The following ANKS1B variants were observed in gnomAD, a reference collection of about 807,000 sequenced individuals.
ANKS1B encodes the protein ankyrin repeat and sterile alpha motif domain containing 1B.
A neutral mutation model predicts 148.3 loss-of-function variants in ANKS1B; 36 were observed. The observed-to-expected ratio is 0.24, with a 90% CI of 0.19 to 0.32. The LOEUF is 0.32. ANKS1B is among the 10% of genes least tolerant of loss of function. ANKS1B has a pLI of 1.00. For synonymous variants in ANKS1B, 542 were observed against 560.8 expected (o/e 0.97, Z 0.47); for missense variants, 1,157 against 1,542.6 (o/e 0.75, Z 4.19).
At chr12:99,431,751 C>T (rs1382885168) in intron 11 of ANKS1B, among the ~76,000 whole-genome samples, 1 of 152,180 alleles carries the variant, frequency 6.6e-6, no homozygotes, top group Non-Finnish European at 1.5e-5. Flanking sequence ...CAGCACAGCA[C>T]TTAAGTAAAA....
intron 1 of ANKS1B, among the ~76,000 whole-genome samples, chr12:99,940,779 T>G (rs2094899644): frequency 6.6e-6 from 1 of 151,742 alleles, no homozygotes; most frequent in Non-Finnish European, 1.5e-5. Context: ...ATGAGATGAG[T>G]CATGAGAAGA....
At chr12:99,059,788 C>CACATATATATATATATATATATATATAT (rs1555201025) in intron 16 of ANKS1B, among the ~76,000 whole-genome samples, 2 of 90,320 alleles carry the variant, frequency 2.2e-5, no homozygotes, top group Admixed American at 1.4e-4. Flanking sequence ...AACTAAAATT[C>CACATATATATATATATATATATATATAT]ATATATATAT....
At chr12:99,152,507 T>C (rs886355654) in intron 15 of ANKS1B, among the ~76,000 whole-genome samples, 2 of 152,152 alleles carry the variant, frequency 1.3e-5, no homozygotes, top group Non-Finnish European at 2.9e-5. Context: ...ACATGATTCA[T>C]TCATGAATAA....
At chr12:99,597,381 T>A (rs2097767151) in intron 9 of ANKS1B, among the ~76,000 whole-genome samples, 1 of 151,994 alleles carries the variant, frequency 6.6e-6, no homozygotes. Flanking sequence ...TGAAGAATTT[T>A]GTGGAAATTC....
At chr12:99,367,791 T>A (rs1305476966) in intron 12 of ANKS1B, among the ~76,000 whole-genome samples, 1 of 148,096 alleles carries the variant, frequency 6.8e-6, no homozygotes, top group Non-Finnish European at 1.5e-5. Context: ...TGTGCTTGTG[T>A]GTGTGTGTGT....
chr12:99,401,000 A>AT lies in ANKS1B; in HGVS notation c.1576-1190_1576-1189insA, dbSNP rs964348477. Among the ~76,000 whole-genome samples the AT allele has an allele frequency of 5.6e-4, 81 of 145,814 alleles. 14 individuals are homozygous for AT. Among genetic ancestry groups the AT allele is most frequent in the Admixed American group, 1.7e-3 (25 of 14,642 alleles). On this transcript the variant is annotated intron_variant, in intron 11 of 26. Coordinates refer to ENST00000683438, the MANE Select transcript of ANKS1B (RefSeq NM_001352186.2). ...CTGCACAGTATAGGGTTTTTAAAAAAATATATAAGGTGTGTAAATTATCAC... is the reference window on the plus strand; with the variant it reads ...CTGCACAGTATAGGGTTTTTAAAAAATATATATAAGGTGTGTAAATTATCAC...
At chr12:99,162,421 C>T (rs2076750508) in intron 14 of ANKS1B, among the ~76,000 whole-genome samples, 1 of 151,870 alleles carries the variant, frequency 6.6e-6, no homozygotes, top group Non-Finnish European at 1.5e-5. Context: ...TTTACAAGAA[C>T]AAAATGCACA....
At chr12:99,697,578 G>A (rs2054123852) in intron 8 of ANKS1B, among the ~76,000 whole-genome samples, 1 of 152,074 alleles carries the variant, frequency 6.6e-6, no homozygotes, top group South Asian at 2.1e-4. Flanking sequence ...CCAAAGTTCT[G>A]GGGGATAAAG....
At chr12:99,364,830 C>T (rs547347142) in intron 12 of ANKS1B, among the ~76,000 whole-genome samples, 11 of 152,320 alleles carry the variant, frequency 7.2e-5, no homozygotes, top group African/African-American at 2.4e-4. Flanking sequence ...TATTGCTATA[C>T]TCCCACCTTC....
chr12:98,770,616 G>GTT (rs201643458), intron 25 of ANKS1B, among the ~76,000 whole-genome samples: 5 of 144,394 alleles, frequency 3.5e-5, no homozygotes, highest in Admixed American at 1.4e-4. Context: ...GGAAGGGTTT[G>GTT]TTTTTTTTTT....
intron 15 of ANKS1B, among the ~76,000 whole-genome samples, chr12:99,088,204 T>C (rs2052625014): frequency 6.6e-6 from 1 of 152,200 alleles, no homozygotes; most frequent in African/African-American, 2.4e-5. Context: ...TTTTATCTTT[T>C]TCTATAATAC....
intron 10 of ANKS1B, among the ~76,000 whole-genome samples, chr12:99,449,999 G>C (rs1407875507): frequency 6.6e-6 from 1 of 152,054 alleles, no homozygotes. Flanking sequence ...TGGAGCCTAA[G>C]AAGTCCAAAG....
At chr12:99,346,593 C>G (rs75730947) in intron 12 of ANKS1B, among the ~76,000 whole-genome samples, 6 of 151,830 alleles carry the variant, frequency 4.0e-5, no homozygotes, top group Admixed American at 3.3e-4. Flanking sequence ...TAGCCTTACT[C>G]TCCACTGAAA....
intron 10 of ANKS1B, among the ~76,000 whole-genome samples, chr12:99,497,081 G>A (rs1262650897): frequency 1.3e-5 from 2 of 152,170 alleles, no homozygotes; most frequent in African/African-American, 4.8e-5. Flanking sequence ...TCCCTGTTGA[G>A]GAGGATTGGG....
At chr12:99,747,214 C>T (rs1366958869) in intron 8 of ANKS1B, among the ~76,000 whole-genome samples, 1 of 152,076 alleles carries the variant, frequency 6.6e-6, no homozygotes, top group Non-Finnish European at 1.5e-5. Flanking sequence ...GCATCACCAC[C>T]TTGGAATTTT....
chr12:99,956,749 A>C (rs1260171713), intron 1 of ANKS1B, among the ~76,000 whole-genome samples: 1 of 152,168 alleles, frequency 6.6e-6, no homozygotes, highest in Non-Finnish European at 1.5e-5. Flanking sequence ...TGATCAGTAC[A>C]TTCTCTCAAT....
At chr12:98,904,666 A>G (rs1232699072) in intron 17 of ANKS1B, among the ~76,000 whole-genome samples, 5 of 152,206 alleles carry the variant, frequency 3.3e-5, no homozygotes, top group African/African-American at 1.2e-4. Context: ...CTCAGCACGA[A>G]GATGCAGCAG....
chr12:99,177,602 T>TA (rs1252507749), intron 14 of ANKS1B, among the ~76,000 whole-genome samples: 2 of 152,224 alleles, frequency 1.3e-5, no homozygotes, highest in Admixed American at 1.3e-4. Context: ...AGTTTACACT[T>TA]ATGTATGTCT....
At chr12:99,683,750 A>G (rs929971704) in intron 8 of ANKS1B, among the ~76,000 whole-genome samples, 4 of 152,220 alleles carry the variant, frequency 2.6e-5, no homozygotes, top group African/African-American at 4.8e-5. Context: ...AACTGAATCC[A>G]AAAGCACATC....
Sources: allele counts gnomAD v4.1 joint callset (sites outside exome capture counted in the v4.1 genomes callset), GRCh38; gene constraint gnomAD v4.1.1; transcripts MANE v1.5; gene names NCBI Gene and HGNC (gene_info 2026-07-23, HGNC 2026-07-21).